HECW1: variants seen among roughly 807,000 people sequenced by gnomAD.
HECW1 encodes the protein HECT, C2 and WW domain containing E3 ubiquitin protein ligase 1, also known as E3 ubiquitin-protein ligase HECW1.
Under a neutral mutation model 182.3 loss-of-function variants are expected in HECW1, and 61 were observed. The observed-to-expected ratio is 0.33, with a 90% confidence interval of 0.27 to 0.41. HECW1 has a LOEUF of 0.41. Among genes scored for constraint, HECW1 ranks in the 10% least tolerant of loss-of-function variants. The pLI is 1.00. For synonymous variants in HECW1, 859 were observed against 832.6 expected (o/e 1.03, Z -0.55); for missense variants, 1,739 against 2,108.9 (o/e 0.82, Z 3.44).
chr7:43,538,833 G>A (rs539289499), intron 24 of HECW1, among the ~76,000 whole-genome samples: 3 of 152,208 alleles, frequency 2.0e-5, no homozygotes, highest in African/African-American at 4.8e-5. Flanking sequence ...ATAATTAACC[G>A]CGGTGACTAG....
chr7:43,140,800 A>G (rs886919088), intron 2 of HECW1, among the ~76,000 whole-genome samples: 12 of 152,128 alleles, frequency 7.9e-5, no homozygotes, highest in Non-Finnish European at 1.2e-4. Context: ...TCTGAGGTCA[A>G]GGTTCCCACT....
chr7:43,228,497 G>T (rs1327025428), intron 2 of HECW1, among the ~76,000 whole-genome samples: 1 of 152,208 alleles, frequency 6.6e-6, no homozygotes. Context: ...GTCAGGAGGT[G>T]CAAAGAACTA....
intron 29 of HECW1, among the ~76,000 whole-genome samples, chr7:43,555,583 C>G (rs1364483665): frequency 1.3e-5 from 2 of 152,242 alleles, no homozygotes; most frequent in Non-Finnish European, 2.9e-5. Context: ...TAACTCAGCT[C>G]TATTTCTACA....
chr7:43,385,643 A>T (rs1056611357), intron 6 of HECW1, among the ~76,000 whole-genome samples: 3 of 152,046 alleles, frequency 2.0e-5, no homozygotes, highest in African/African-American at 7.2e-5. Flanking sequence ...TACACAGTTC[A>T]TGGTTTCCAG....
intron 3 of HECW1, among the ~76,000 whole-genome samples, chr7:43,308,360 A>C (rs1271807851): frequency 4.8e-5 from 5 of 104,486 alleles, no homozygotes; most frequent in Admixed American, 1.2e-4. Flanking sequence ...ATTTATATAT[A>C]ATATAACATA....
intron 24 of HECW1, among the ~76,000 whole-genome samples, chr7:43,517,432 G>T (rs1226820202): frequency 2.6e-5 from 4 of 152,128 alleles, no homozygotes; most frequent in East Asian, 3.9e-4. Flanking sequence ...TTAGCAAGGG[G>T]AAGTGGGGGA....
intron 2 of HECW1, among the ~76,000 whole-genome samples, chr7:43,143,904 A>G (rs1371892940): frequency 2.6e-5 from 4 of 152,188 alleles, no homozygotes; most frequent in African/African-American, 7.2e-5. Flanking sequence ...TCAGGAGTAT[A>G]ACTCATAACC....
At chr7:43,507,037 T>C in intron 21 of HECW1, 100 bp from the exon 22 acceptor site, 1 of 1,429,288 alleles carries the variant, frequency 7.0e-7, no homozygotes, top group Non-Finnish European at 9.3e-7. Context: ...ACCACTGCAC[T>C]CCAGCCTGGG....
At chr7:43,350,927 G>A (rs984819374) in intron 5 of HECW1, among the ~76,000 whole-genome samples, 5 of 152,174 alleles carry the variant, frequency 3.3e-5, no homozygotes, top group Admixed American at 3.3e-4. Flanking sequence ...ATTTTTGGGA[G>A]GCATTGACAA....
intron 6 of HECW1, among the ~76,000 whole-genome samples, chr7:43,377,105 T>C (rs372191720): frequency 6.6e-6 from 1 of 152,264 alleles, no homozygotes; most frequent in East Asian, 1.9e-4. Flanking sequence ...AAGTCAGAGA[T>C]GCCTGGGACT....
At chr7:43,476,415 A>C (rs143753896) in intron 16 of HECW1, among the ~76,000 whole-genome samples, 293 of 152,314 alleles carry the variant, frequency 1.9e-3, no homozygotes, top group African/African-American at 6.6e-3. Flanking sequence ...ACCAACTATC[A>C]TGAGGAAAGA....
At chr7:43,177,832 T>A (rs1048443736) in intron 2 of HECW1, among the ~76,000 whole-genome samples, 14 of 152,114 alleles carry the variant, frequency 9.2e-5, no homozygotes, top group African/African-American at 3.4e-4. Context: ...AACCTATCCA[T>A]CTCCTCCTGA....
chr7:43,531,913 A>T (rs1263274667), intron 24 of HECW1, among the ~76,000 whole-genome samples: 1 of 152,124 alleles, frequency 6.6e-6, no homozygotes, highest in Admixed American at 6.5e-5. Flanking sequence ...TTCCTCCATG[A>T]TCTTGTCCAG....
At chr7:43,478,642 T>C (rs576183995) in intron 16 of HECW1, among the ~76,000 whole-genome samples, 1 of 152,084 alleles carries the variant, frequency 6.6e-6, no homozygotes, top group Non-Finnish European at 1.5e-5. Flanking sequence ...GAAGAAAATA[T>C]GTATATATTT....
rs578164434 is a variant in HECW1 at position 43,495,399 on chromosome 7, G to A, written c.3437+2219G>A. ...GTTCTTATGTTAGTTTGCTGAGAAT[G>A]ATGGTTTCCTAGTATTTCTTTTGTC... is the stretch of plus-strand genomic sequence containing the variant. On this transcript the variant is annotated intron_variant, in intron 19 of 29. Coordinates refer to ENST00000395891, the MANE Select transcript of HECW1 (RefSeq NM_015052.5). Among the ~76,000 whole-genome samples the A allele has an allele frequency of 7.2e-5, 11 of 152,254 alleles. No homozygotes were observed. In the South Asian group the frequency reaches 2.3e-3, roughly 32 times the overall value.
intron 2 of HECW1, among the ~76,000 whole-genome samples, chr7:43,135,870 T>A (rs1463261465): frequency 6.6e-6 from 1 of 152,236 alleles, no homozygotes; most frequent in Non-Finnish European, 1.5e-5. Flanking sequence ...TTAAGTTTTT[T>A]CTAAAATCAA....
At chr7:43,508,454 A>G (rs1489766189) in intron 23 of HECW1, among the ~76,000 whole-genome samples, 2 of 152,226 alleles carry the variant, frequency 1.3e-5, no homozygotes, top group Non-Finnish European at 1.5e-5. Context: ...AAGTGCATGT[A>G]TACAACTTCA....
chr7:43,178,023 T>A (rs900313792), intron 2 of HECW1, among the ~76,000 whole-genome samples: 1 of 152,194 alleles, frequency 6.6e-6, no homozygotes, highest in Non-Finnish European at 1.5e-5. Context: ...TTTGGTTTGG[T>A]TTTTGAGACA....
At chr7:43,489,179 G>A (rs935647516) in intron 17 of HECW1, among the ~76,000 whole-genome samples, 2 of 152,176 alleles carry the variant, frequency 1.3e-5, no homozygotes, top group African/African-American at 2.4e-5. Context: ...TCAGCCAGCA[G>A]ATCTGGCTGT....
Sources: allele counts gnomAD v4.1 joint callset (sites outside exome capture counted in the v4.1 genomes callset), GRCh38; gene constraint gnomAD v4.1.1; transcripts MANE v1.5; gene names NCBI Gene and HGNC (gene_info 2026-07-23, HGNC 2026-07-21).